The following NALF1 variants were observed in gnomAD, a reference collection of about 807,000 sequenced individuals.
The protein encoded by NALF1 is NALCN channel auxiliary factor 1, also known as family with sequence similarity 155 member A.
NALF1 carries 3 observed loss-of-function variants against 48.4 expected under a neutral mutation model. The observed-to-expected ratio is 0.06, with a 90% CI of 0.03 to 0.16. NALF1 has a LOEUF of 0.16. NALF1 is among the 10% of genes least tolerant of loss of function. The pLI, the probability that NALF1 is intolerant of heterozygous loss-of-function variation, is 1.00. For synonymous variants in NALF1, 262 were observed against 245.7 expected (o/e 1.07, Z -0.62); for missense variants, 526 against 571.5 (o/e 0.92, Z 0.81).
intron 2 of NALF1, among the ~76,000 whole-genome samples, chr13:107,177,268 T>C (rs932821662): frequency 1.7e-4 from 26 of 152,174 alleles, no homozygotes; most frequent in African/African-American, 6.0e-4. Context: ...AGAATCAGTA[T>C]TGTTAAAATG....
chr13:107,416,650 T>C (rs1323970680), intron 1 of NALF1, among the ~76,000 whole-genome samples: 5 of 152,204 alleles, frequency 3.3e-5, no homozygotes, highest in Non-Finnish European at 7.3e-5. Context: ...ATGTTATCAG[T>C]ACAGCTTTTG....
At chr13:107,586,964 T>C (rs1041363057) in intron 1 of NALF1, among the ~76,000 whole-genome samples, 11 of 152,100 alleles carry the variant, frequency 7.2e-5, no homozygotes, top group Non-Finnish European at 1.6e-4. Flanking sequence ...ATTAGTAGAT[T>C]GATTAGATAA....
At chr13:107,618,700 T>C (rs568519492) in intron 1 of NALF1, among the ~76,000 whole-genome samples, 1 of 151,984 alleles carries the variant, frequency 6.6e-6, no homozygotes, top group South Asian at 2.1e-4. Context: ...TGGAGAAGAC[T>C]GTGAAGGAAA....
intron 1 of NALF1, among the ~76,000 whole-genome samples, chr13:107,380,568 C>T (rs1488614727): frequency 6.6e-6 from 1 of 152,150 alleles, no homozygotes; most frequent in Non-Finnish European, 1.5e-5. Context: ...GTGCAAAGGA[C>T]ATGGGGTGGT....
At chr13:107,213,885 T>TA (rs1182331793) in intron 1 of NALF1, among the ~76,000 whole-genome samples, 1 of 152,176 alleles carries the variant, frequency 6.6e-6, no homozygotes, top group African/African-American at 2.4e-5. Flanking sequence ...GTGAGGTTCT[T>TA]ACAGTTATCT....
rs1314608160 is a variant in NALF1 at position 107,167,922 on chromosome 13, T to C, written c.*2575A>G. On this transcript the variant is annotated 3_prime_UTR_variant, in exon 3 of 3. Coordinates refer to ENST00000375915, the MANE Select transcript of NALF1 (RefSeq NM_001080396.3). ...AAAGAACTTTAGTCAGTTCAAAATA[T>C]ATTGAGAAAATGAAAACCTATATTT... The C allele has an allele frequency of 6.6e-6, 1 of 152,232 alleles. No homozygotes were observed. The highest frequency in any genetic ancestry group is 2.4e-5 in the African/African-American group (1 of 41,460). The allele number at this position is 152,232 out of a possible 1,614,324, so 9.4% of individuals were successfully genotyped here.
intron 1 of NALF1, among the ~76,000 whole-genome samples, chr13:107,629,531 T>C (rs966436310): frequency 1.3e-5 from 2 of 152,290 alleles, no homozygotes; most frequent in South Asian, 4.1e-4. Context: ...GATTGTCTAC[T>C]GAACATCACT....
intron 1 of NALF1, among the ~76,000 whole-genome samples, chr13:107,408,355 G>A (rs577626397): frequency 4.6e-5 from 7 of 151,798 alleles, no homozygotes; most frequent in East Asian, 1.9e-4. Flanking sequence ...TGATTATTAC[G>A]CGTTGCATGC....
At chr13:107,415,498 T>C (rs980207914) in intron 1 of NALF1, among the ~76,000 whole-genome samples, 2 of 152,206 alleles carry the variant, frequency 1.3e-5, no homozygotes, top group South Asian at 4.2e-4. Context: ...CTGGCAAGTT[T>C]TCCTTCATAT....
At chr13:107,675,317 C>A (rs1881087124) in intron 1 of NALF1, among the ~76,000 whole-genome samples, 1 of 152,102 alleles carries the variant, frequency 6.6e-6, no homozygotes, top group Non-Finnish European at 1.5e-5. Flanking sequence ...ACGTCTGGAT[C>A]CCAAAATTCT....
intron 1 of NALF1, among the ~76,000 whole-genome samples, chr13:107,664,351 C>A (rs967347151): frequency 4.6e-5 from 7 of 152,190 alleles, no homozygotes; most frequent in Non-Finnish European, 1.0e-4. Context: ...CCAGCCTCAC[C>A]TGGATCATCA....
At chr13:107,461,393 T>G (rs1884916622) in intron 1 of NALF1, among the ~76,000 whole-genome samples, 1 of 152,184 alleles carries the variant, frequency 6.6e-6, no homozygotes, top group South Asian at 2.1e-4. Context: ...CTAATGTCAT[T>G]TATGAACTAA....
intron 1 of NALF1, among the ~76,000 whole-genome samples, chr13:107,514,589 A>C (rs1876001038): frequency 6.6e-6 from 1 of 152,202 alleles, no homozygotes; most frequent in Non-Finnish European, 1.5e-5. Context: ...GATTAAAATA[A>C]ATGTAAGGTA....
chr13:107,808,471 C>T (rs1203237160), intron 1 of NALF1, among the ~76,000 whole-genome samples: 1 of 152,074 alleles, frequency 6.6e-6, no homozygotes, highest in Non-Finnish European at 1.5e-5. Context: ...TTTCCTTCTC[C>T]TGACTTCCTG....
chr13:107,401,939 T>C (rs375062015), intron 1 of NALF1, among the ~76,000 whole-genome samples: 20 of 152,292 alleles, frequency 1.3e-4, no homozygotes, highest in African/African-American at 4.8e-4. Context: ...TACACTCATA[T>C]CATTTCTTAT....
rs193127986 is a variant in NALF1 at position 107,370,463 on chromosome 13, A to G, written c.916-159708T>C. On this transcript the variant is annotated intron_variant, in intron 1 of 2. Coordinates refer to ENST00000375915, the MANE Select transcript of NALF1 (RefSeq NM_001080396.3). ...AAATCAGTAGACCCTGGACCACTCC[A>G]GAGCCAAAATCTGTCCTGGGTGGTC... 1.9e-3 allele frequency among the ~76,000 whole-genome samples: 287 copies of G among 152,362 alleles called. 1 individual carries two copies. Among genetic ancestry groups the G allele is most frequent in the South Asian group, 3.9e-3 (19 of 4,830 alleles).
intron 1 of NALF1, among the ~76,000 whole-genome samples, chr13:107,252,699 C>A (rs1243820821): frequency 6.6e-6 from 1 of 152,086 alleles, no homozygotes. Context: ...GGCAGGAATG[C>A]CAGGTGGGAC....
intron 1 of NALF1, among the ~76,000 whole-genome samples, chr13:107,441,266 C>T (rs1178370121): frequency 6.6e-6 from 1 of 152,140 alleles, no homozygotes; most frequent in Non-Finnish European, 1.5e-5. Flanking sequence ...CAAGTCAGAC[C>T]AGACATGACC....
intron 1 of NALF1, among the ~76,000 whole-genome samples, chr13:107,818,888 A>T: frequency 6.6e-6 from 1 of 150,424 alleles, no homozygotes. Context: ...AAAAAAAAAA[A>T]AAAAAAAATC....
Sources: gnomAD v4.1 joint callset for allele counts (sites outside exome capture counted in the v4.1 genomes callset) on GRCh38, gnomAD v4.1.1 for gene constraint, MANE v1.5 for transcripts, NCBI Gene and HGNC (gene_info 2026-07-23, HGNC 2026-07-21) for gene names.